The following GRM7 variants were observed in gnomAD, a reference collection of about 807,000 sequenced individuals.
GRM7 encodes the protein glutamate metabotropic receptor 7.
Under a neutral mutation model 84.5 loss-of-function variants are expected in GRM7, and 35 were observed. That is an observed-to-expected ratio of 0.41 (90% confidence interval 0.32 to 0.55). The LOEUF is 0.55. GRM7 is among the 20% of genes least tolerant of loss of function. The pLI is 0.19. For synonymous variants in GRM7, 487 were observed against 455.1 expected, an observed-to-expected ratio of 1.07 and a Z score of -0.89; for missense variants, 1,003 against 1,194.6, an observed-to-expected ratio of 0.84 and a Z score of 2.36.
intron 8 of GRM7, among the ~76,000 whole-genome samples, chr3:7,656,954 CA>C (rs1553632802): frequency 6.6e-6 from 1 of 152,136 alleles, no homozygotes; most frequent in Non-Finnish European, 1.5e-5. Flanking sequence ...CTACTGAAAA[CA>C]TAGTATTTAC....
chr3:6,890,669 G>C (rs564374131), intron 1 of GRM7, among the ~76,000 whole-genome samples: 1 of 152,072 alleles, frequency 6.6e-6, no homozygotes, highest in Non-Finnish European at 1.5e-5. Flanking sequence ...GTCAATTTTG[G>C]AATAGGTGTG....
At chr3:7,459,534 G>A (rs1321496589) in intron 6 of GRM7, among the ~76,000 whole-genome samples, 1 of 152,072 alleles carries the variant, frequency 6.6e-6, no homozygotes, top group Non-Finnish European at 1.5e-5. Flanking sequence ...CAATTAGGGT[G>A]GAAGACAAAA....
At chr3:7,603,331 G>A (rs1235486242) in intron 8 of GRM7, among the ~76,000 whole-genome samples, 2 of 152,084 alleles carry the variant, frequency 1.3e-5, no homozygotes, top group African/African-American at 4.8e-5. Flanking sequence ...AGGGGAGGAA[G>A]GTGATCACTA....
chr3:7,169,628 T>G (rs766403748), intron 2 of GRM7, among the ~76,000 whole-genome samples: 3 of 152,218 alleles, frequency 2.0e-5, no homozygotes, highest in Non-Finnish European at 2.9e-5. Context: ...TAGCTTCATC[T>G]TACATATGCT....
chr3:7,725,748 C>T lies in GRM7; in HGVS notation c.2699-14609C>T, dbSNP rs371611850. On this transcript the variant is annotated intron_variant, in intron 9 of 9. Transcript: ENST00000357716. ...GATGCATGACTTAGTCCAGATTAGT[C>T]CATTACCTGGCTGGGGCTGTCCACT... 3.0e-3 allele frequency among the ~76,000 whole-genome samples: 451 copies of T among 152,284 alleles called. 2 individuals are homozygous for T. Among genetic ancestry groups the T allele is most frequent in the African/African-American group, 9.8e-3 (406 of 41,550 alleles).
chr3:6,873,807 C>A (rs1574952604), intron 1 of GRM7, among the ~76,000 whole-genome samples: 1 of 152,150 alleles, frequency 6.6e-6, no homozygotes, highest in Admixed American at 6.5e-5. Flanking sequence ...TGAGGCTGGG[C>A]CAGTTCCTGG....
At chr3:7,654,832 C>T (rs1699106298) in intron 8 of GRM7, among the ~76,000 whole-genome samples, 1 of 152,222 alleles carries the variant, frequency 6.6e-6, no homozygotes, top group Admixed American at 6.5e-5. Flanking sequence ...ACTTAACTCC[C>T]AATTCTGTAT....
At chr3:7,119,657 C>T (rs1309972541) in intron 1 of GRM7, among the ~76,000 whole-genome samples, 3 of 152,224 alleles carry the variant, frequency 2.0e-5, no homozygotes, top group East Asian at 3.9e-4. Context: ...TAGTAACTCA[C>T]GTTAGGCCAA....
chr3:7,591,442 C>T, intron 8 of GRM7: 1 of 444,780 alleles, frequency 2.2e-6, no homozygotes, highest in Non-Finnish European at 4.5e-6. Context: ...CCAAAGTGAT[C>T]AAATCTTTTA....
intron 8 of GRM7, among the ~76,000 whole-genome samples, chr3:7,662,263 C>T (rs1039379160): frequency 1.3e-5 from 2 of 152,084 alleles, no homozygotes; most frequent in African/African-American, 4.8e-5. Context: ...GGGAGAAATA[C>T]AAAGAGGAAT....
chr3:7,658,213 T>G (rs2125120810), intron 8 of GRM7, among the ~76,000 whole-genome samples: 1 of 152,342 alleles, frequency 6.6e-6, no homozygotes, highest in East Asian at 1.9e-4. Flanking sequence ...GATATCATGG[T>G]TAATTTTATA....
At chr3:7,210,054 T>C (rs1301666551) in intron 2 of GRM7, among the ~76,000 whole-genome samples, 2 of 152,174 alleles carry the variant, frequency 1.3e-5, no homozygotes, top group Non-Finnish European at 2.9e-5. Flanking sequence ...ATAAAATGTT[T>C]CTGTTCAGTC....
Position 7,696,677 on chromosome 3 carries a change from C to T in GRM7, c.2698+16382C>T, listed in dbSNP as rs116092833. 9.0e-3 allele frequency among the ~76,000 whole-genome samples: 1,373 copies of T among 152,184 alleles called. 14 individuals carry two copies. The highest frequency in any genetic ancestry group is 0.04 in the South Asian group (191 of 4,816). ...CTCTTTTTCTAAAAAGTCAAATTGA[C>T]GTGTCTTATTTTTTTCTGTGCATGG... On this transcript the variant is annotated intron_variant, in intron 9 of 9. Transcript: ENST00000357716.
At chr3:7,493,537 T>G (rs896606503) in intron 7 of GRM7, among the ~76,000 whole-genome samples, 1 of 152,142 alleles carries the variant, frequency 6.6e-6, no homozygotes, top group Middle Eastern at 3.4e-3. Flanking sequence ...TTTTTGCATC[T>G]TGTTTACCTT....
chr3:7,554,122 A>T (rs1693635859), intron 7 of GRM7, among the ~76,000 whole-genome samples: 1 of 152,200 alleles, frequency 6.6e-6, no homozygotes, highest in Admixed American at 6.5e-5. Flanking sequence ...AGATCCAGAA[A>T]CATAATTTGG....
intron 1 of GRM7, among the ~76,000 whole-genome samples, chr3:7,005,812 G>A (rs928613595): frequency 6.6e-6 from 1 of 152,158 alleles, no homozygotes; most frequent in South Asian, 2.1e-4. Flanking sequence ...TTTATAGGGA[G>A]TCAAGGCTGA....
chr3:7,452,607 G>C lies in GRM7; in HGVS notation c.1175G>C (p.Gly392Ala). The change falls in exon 6 of 10, where the codon GGA becomes GCA. Residue 392 changes from glycine to alanine, a missense_variant and splice_region_variant. Around this residue, in one of 2 missense-constraint regions of GRM7, gnomAD observed 910 missense variants for 1,126.0 expected, o/e 0.81. Coordinates refer to ENST00000357716, the MANE Select transcript of GRM7 (RefSeq NM_000844.4). ...KKEDTDRKCTGQERIGKDSNY... is the reference protein window; with the variant it reads ...KKEDTDRKCTAQERIGKDSNY... ...GTGTGTTTCTTGTTTTAATGTGCAG[G>C]ACAGGAGAGAATTGGAAAAGATTCC... is the stretch of plus-strand genomic sequence containing the variant. 1.3e-6 allele frequency: 2 copies of C among 1,591,292 alleles called. No homozygotes were observed. The highest frequency in any genetic ancestry group is 1.7e-6 in the Non-Finnish European group (2 of 1,159,582).
chr3:7,545,129 AT>A (rs1402014050), intron 7 of GRM7, among the ~76,000 whole-genome samples: 1 of 152,270 alleles, frequency 6.6e-6, no homozygotes, highest in African/African-American at 2.4e-5. Context: ...GCTTAGTCTT[AT>A]TCCTGCTACA....
At chr3:7,007,274 C>T (rs1024696412) in intron 1 of GRM7, among the ~76,000 whole-genome samples, 3 of 152,142 alleles carry the variant, frequency 2.0e-5, no homozygotes, top group Admixed American at 6.5e-5. Context: ...ATGATGGCCA[C>T]ACCTAACCTG....
Sources: allele counts gnomAD v4.1 joint callset (sites outside exome capture counted in the v4.1 genomes callset), GRCh38; gene constraint gnomAD v4.1.1; regional missense constraint gnomAD v4.1.1; transcripts MANE v1.5; gene names NCBI Gene and HGNC (gene_info 2026-07-23, HGNC 2026-07-21).